GREM2: variants seen among roughly 807,000 people sequenced by gnomAD.
GREM2 encodes the protein gremlin 2, DAN family BMP antagonist.
In GREM2, 11 loss-of-function variants were observed where a neutral mutation model predicts 14.2. The observed-to-expected ratio is 0.78, with a 90% CI of 0.49 to 1.28. The LOEUF (loss-of-function observed/expected upper bound fraction) is 1.28. Among genes scored for constraint, GREM2 ranks in the 50% most tolerant of loss-of-function variants. GREM2 has a pLI of 0.00. For missense variants in GREM2, 210 were observed against 218.5 expected, an observed-to-expected ratio of 0.96 and a Z score of 0.24; for synonymous variants, 98 against 97.6, an observed-to-expected ratio of 1.00 and a Z score of -0.02.
chr1:240,531,133 A>C (rs1318467296), intron 1 of GREM2, among the ~76,000 whole-genome samples: 1 of 152,234 alleles, frequency 6.6e-6, no homozygotes, highest in Non-Finnish European at 1.5e-5. Flanking sequence ...TCCCTTAACC[A>C]AGGAAGACTC....
chr1:240,583,427 A>G (rs529015911), intron 1 of GREM2, among the ~76,000 whole-genome samples: 17 of 152,318 alleles, frequency 1.1e-4, no homozygotes, highest in African/African-American at 3.8e-4. Flanking sequence ...TTCATGGAAT[A>G]GCACCAAATG....
At chr1:240,560,902 G>A (rs560730880) in intron 1 of GREM2, among the ~76,000 whole-genome samples, 8 of 152,138 alleles carry the variant, frequency 5.3e-5, no homozygotes, top group Admixed American at 2.6e-4. Context: ...TTTCACAGCC[G>A]CTCTTTTTTT....
chr1:240,505,811 C>G (rs1677664187), intron 1 of GREM2, among the ~76,000 whole-genome samples: 1 of 151,422 alleles, frequency 6.6e-6, no homozygotes, highest in Admixed American at 6.6e-5. Flanking sequence ...TGAAATAGTT[C>G]TATGGGTAGA....
At chr1:240,517,792 C>G (rs1318733542) in intron 1 of GREM2, among the ~76,000 whole-genome samples, 1 of 152,122 alleles carries the variant, frequency 6.6e-6, no homozygotes, top group Non-Finnish European at 1.5e-5. Context: ...CTTGGCTATT[C>G]CAGAACTCTC....
At chr1:240,515,973 C>T (rs1677946180) in intron 1 of GREM2, among the ~76,000 whole-genome samples, 1 of 152,120 alleles carries the variant, frequency 6.6e-6, no homozygotes, top group South Asian at 2.1e-4. Flanking sequence ...AGATCTCAGT[C>T]ATTGAAATCA....
intron 1 of GREM2, among the ~76,000 whole-genome samples, chr1:240,611,211 C>A (rs1187188657): frequency 6.6e-6 from 1 of 151,888 alleles, no homozygotes; most frequent in East Asian, 1.9e-4. Flanking sequence ...TATGTGAGAT[C>A]CTGGAACTGA....
At chr1:240,526,035 C>T (rs550537961) in intron 1 of GREM2, among the ~76,000 whole-genome samples, 9 of 152,294 alleles carry the variant, frequency 5.9e-5, no homozygotes, top group South Asian at 2.1e-4. Context: ...AGCCAAGAAA[C>T]GTACTCCTGC....
At chr1:240,559,493 G>A (rs1055793183) in intron 1 of GREM2, among the ~76,000 whole-genome samples, 12 of 151,780 alleles carry the variant, frequency 7.9e-5, no homozygotes, top group African/African-American at 1.7e-4. Flanking sequence ...ACAAGCACCC[G>A]CCATCAGGTC....
chr1:240,494,196 T>TA lies in GREM2; in HGVS notation c.-1-721dup, dbSNP rs898700386. 2.4e-4 allele frequency among the ~76,000 whole-genome samples: 37 copies of TA among 152,246 alleles called. 1 individual carries two copies. Among genetic ancestry groups the TA allele is most frequent in the African/African-American group, 8.7e-4 (36 of 41,464 alleles). On this transcript the variant is annotated intron_variant, in intron 1 of 1. Transcript: ENST00000318160. ...TTTACATGTATATCTCATTTCATCC[T>TA]AAAAATAGCCTTCAGTTGGAGGTGG...
intron 1 of GREM2, among the ~76,000 whole-genome samples, chr1:240,559,693 A>G (rs1166398373): frequency 6.6e-6 from 1 of 152,136 alleles, no homozygotes; most frequent in East Asian, 1.9e-4. Flanking sequence ...TGGCAAATAA[A>G]TATTTCCAAA....
In GREM2 at chr1:240,511,497, T is replaced by C. The variant is rs570856978; in HGVS notation, c.-1-18021A>G. On this transcript the variant is annotated intron_variant, in intron 1 of 1. Coordinates refer to ENST00000318160, the MANE Select transcript of GREM2 (RefSeq NM_022469.4). Reference sequence around the variant, plus strand: ...CAGGCCTGTTGGCTCACGCCTGTAATCCCAGCACTTTGGGAAGCCGAGGCG... The same window carrying C: ...CAGGCCTGTTGGCTCACGCCTGTAACCCCAGCACTTTGGGAAGCCGAGGCG... 1.2e-3 allele frequency among the ~76,000 whole-genome samples: 187 copies of C among 152,300 alleles called. 2 individuals carry two copies. The highest frequency in any genetic ancestry group is 6.8e-3 in the Middle Eastern group (2 of 294).
chr1:240,597,691 G>A (rs1679848377), intron 1 of GREM2, among the ~76,000 whole-genome samples: 1 of 152,080 alleles, frequency 6.6e-6, no homozygotes, highest in Non-Finnish European at 1.5e-5. Flanking sequence ...AATGTTTGTT[G>A]AATACACACA....
At chr1:240,503,919 T>C (rs1677626310) in intron 1 of GREM2, among the ~76,000 whole-genome samples, 1 of 152,226 alleles carries the variant, frequency 6.6e-6, no homozygotes, top group African/African-American at 2.4e-5. Flanking sequence ...GTTTCCACAG[T>C]CACTTACAGT....
chr1:240,525,109 C>T (rs1355059656), intron 1 of GREM2, among the ~76,000 whole-genome samples: 2 of 152,178 alleles, frequency 1.3e-5, no homozygotes. Context: ...GTACTCACTT[C>T]CTTTCTCTCC....
chr1:240,551,427 C>T (rs947300021), intron 1 of GREM2, among the ~76,000 whole-genome samples: 1 of 152,164 alleles, frequency 6.6e-6, no homozygotes, highest in African/African-American at 2.4e-5. Context: ...CGGCCCACTG[C>T]AACTTTCGCC....
At chr1:240,521,314 A>G (rs890624664) in intron 1 of GREM2, among the ~76,000 whole-genome samples, 6 of 152,196 alleles carry the variant, frequency 3.9e-5, no homozygotes, top group Admixed American at 2.6e-4. Flanking sequence ...CACGCCTGTA[A>G]TCCCAGCACT....
intron 1 of GREM2, among the ~76,000 whole-genome samples, chr1:240,525,442 T>C (rs575393134): frequency 6.6e-6 from 1 of 152,156 alleles, no homozygotes; most frequent in East Asian, 1.9e-4. Flanking sequence ...TTGTTTTCTA[T>C]GGCAGCCGTA....
At chr1:240,606,980 A>T (rs1680038381) in intron 1 of GREM2, among the ~76,000 whole-genome samples, 1 of 152,180 alleles carries the variant, frequency 6.6e-6, no homozygotes, top group Non-Finnish European at 1.5e-5. Flanking sequence ...GCCCTGCCAG[A>T]TTGAAATGAT....
At chr1:240,536,894 G>A (rs373501158) in intron 1 of GREM2, among the ~76,000 whole-genome samples, 1 of 152,212 alleles carries the variant, frequency 6.6e-6, no homozygotes, top group East Asian at 1.9e-4. Context: ...AAAGAAGACA[G>A]GGAGGTTTGG....
Sources: gnomAD v4.1 joint callset for allele counts (sites outside exome capture counted in the v4.1 genomes callset) on GRCh38, gnomAD v4.1.1 for gene constraint, MANE v1.5 for transcripts, NCBI Gene and HGNC (gene_info 2026-07-23, HGNC 2026-07-21) for gene names.